ARHGEF3: variants seen among roughly 807,000 people sequenced by gnomAD.
ARHGEF3 encodes Rho guanine nucleotide exchange factor 3.
A neutral mutation model predicts 63.2 loss-of-function variants in ARHGEF3; 28 were observed. That is an observed-to-expected ratio of 0.44 (90% CI 0.33 to 0.61). The LOEUF (loss-of-function observed/expected upper bound fraction) is 0.61, where lower values mean the gene tolerates loss of function less well. Among genes scored for constraint, ARHGEF3 ranks in the 20% least tolerant of loss-of-function variants. ARHGEF3 has a pLI of 0.03. For missense variants in ARHGEF3, 533 were observed against 659.3 expected (o/e 0.81, Z 2.10); for synonymous variants, 266 against 254.2 (o/e 1.05, Z -0.44).
intron 2 of ARHGEF3, among the ~76,000 whole-genome samples, chr3:57,015,009 A>AC (rs1270712422): frequency 7.0e-6 from 1 of 142,120 alleles, no homozygotes; most frequent in Non-Finnish European, 1.6e-5. Flanking sequence ...TTTTTCATGT[A>AC]CTTTTTTTTT....
intron 1 of ARHGEF3, among the ~76,000 whole-genome samples, chr3:57,057,702 T>C (rs369031969): frequency 2.0e-5 from 3 of 152,296 alleles, no homozygotes; most frequent in African/African-American, 7.2e-5. Context: ...CCACACATCA[T>C]ACAATTTGAG....
intron 4 of ARHGEF3, among the ~76,000 whole-genome samples, chr3:56,881,436 C>G (rs182183558): frequency 1.2e-4 from 18 of 152,272 alleles, no homozygotes; most frequent in Middle Eastern, 3.4e-3. Flanking sequence ...TACTCCACCC[C>G]CAAGCCCCAG....
chr3:56,876,399 G>A (rs1023400677), intron 4 of ARHGEF3, among the ~76,000 whole-genome samples: 1 of 152,162 alleles, frequency 6.6e-6, no homozygotes, highest in Non-Finnish European at 1.5e-5. Context: ...CGGCCTCAAT[G>A]AGGGTCTTGC....
chr3:56,953,681 C>T (rs1001364955), intron 3 of ARHGEF3, among the ~76,000 whole-genome samples: 1 of 152,108 alleles, frequency 6.6e-6, no homozygotes, highest in African/African-American at 2.4e-5. Flanking sequence ...AGCTATGTGA[C>T]CCAAGCCCAG....
intron 2 of ARHGEF3, among the ~76,000 whole-genome samples, chr3:56,974,230 G>A (rs1174100377): frequency 6.6e-6 from 1 of 152,114 alleles, no homozygotes; most frequent in Non-Finnish European, 1.5e-5. Context: ...CAGCCAAATG[G>A]TACAGGCCAA....
intron 4 of ARHGEF3, among the ~76,000 whole-genome samples, chr3:56,840,756 C>G (rs1451761099): frequency 1.3e-5 from 2 of 152,086 alleles, no homozygotes; most frequent in Admixed American, 6.6e-5. Flanking sequence ...AATTCACCTG[C>G]TAACATATTA....
At chr3:56,967,311 T>A (rs1467399255) in intron 2 of ARHGEF3, among the ~76,000 whole-genome samples, 2 of 101,630 alleles carry the variant, frequency 2.0e-5, no homozygotes, top group African/African-American at 7.2e-5. Flanking sequence ...ATATATTATA[T>A]ATTATATATT....
At position 56,849,361 on chromosome 3, in the gene ARHGEF3, C is replaced by T. The variant is rs76777575; in HGVS notation, c.192+32931G>A. 5.3e-4 allele frequency among the ~76,000 whole-genome samples: 80 copies of T among 152,144 alleles called. 2 individuals carry two copies. In the East Asian group the frequency reaches 6.8e-3, roughly 13 times the overall value. On this transcript the variant is annotated intron_variant, in intron 4 of 12. Coordinates refer to the ARHGEF3 transcript ENST00000338458. ...CAGGTAAATATATATACAATCTGTACGTATATTGACACACAGCTTAGTGAT... is the reference window on the plus strand; with the variant it reads ...CAGGTAAATATATATACAATCTGTATGTATATTGACACACAGCTTAGTGAT...
intron 3 of ARHGEF3, among the ~76,000 whole-genome samples, chr3:56,944,659 C>G (rs1008218728): frequency 1.4e-5 from 2 of 142,396 alleles, no homozygotes; most frequent in Non-Finnish European, 3.0e-5. Flanking sequence ...GCACTGCAAC[C>G]TCTGCCTCCC....
At chr3:57,003,363 G>A (rs563876773) in intron 2 of ARHGEF3, among the ~76,000 whole-genome samples, 103 of 128,406 alleles carry the variant, frequency 8.0e-4, no homozygotes, top group Non-Finnish European at 1.2e-3. Flanking sequence ...AGATCGCACC[G>A]CTGCTCTCCA....
chr3:56,873,574 G>A (rs2040499058), intron 4 of ARHGEF3, among the ~76,000 whole-genome samples: 1 of 151,922 alleles, frequency 6.6e-6, no homozygotes. Context: ...TTTTTTAATG[G>A]CTACATAAAT....
chr3:56,815,049 C>A (rs2038217397), intron 4 of ARHGEF3, among the ~76,000 whole-genome samples: 1 of 151,796 alleles, frequency 6.6e-6, no homozygotes, highest in Non-Finnish European at 1.5e-5. Flanking sequence ...GAGGCTGAGG[C>A]AGGGTGATTG....
chr3:56,851,874 G>T (rs904845409), intron 4 of ARHGEF3, among the ~76,000 whole-genome samples: 1 of 152,188 alleles, frequency 6.6e-6, no homozygotes, highest in African/African-American at 2.4e-5. Context: ...CTCCCAAAGG[G>T]CTGCAATTAC....
At chr3:56,791,169 G>A (rs542069767) in intron 1 of ARHGEF3, among the ~76,000 whole-genome samples, 16 of 152,276 alleles carry the variant, frequency 1.1e-4, no homozygotes, top group South Asian at 2.1e-4. Flanking sequence ...TTGGGAGGCC[G>A]AGGTGGGAGG....
intron 4 of ARHGEF3, among the ~76,000 whole-genome samples, chr3:56,814,511 C>A (rs1022243205): frequency 6.6e-6 from 1 of 152,134 alleles, no homozygotes; most frequent in African/African-American, 2.4e-5. Flanking sequence ...TCAGTTTAAG[C>A]ATCTATAAAA....
rs562517224 is a variant in ARHGEF3, at chr3:56,967,297, A to AATTATAT, written c.63-8415_63-8409dup. Among the ~76,000 whole-genome samples the AATTATAT allele has an allele frequency of 2.1e-3, 183 of 86,684 alleles. 11 individuals are homozygous for AATTATAT. Among genetic ancestry groups the AATTATAT allele is most frequent in the South Asian group, 6.6e-3 (21 of 3,176 alleles). The allele number at this position is 86,684 out of a possible 152,430, so 56.9% of individuals were successfully genotyped here. A position where few individuals can be genotyped will look rare whatever the true frequency, so the allele number is the denominator to read the frequency against. ...ATAATATTATATTATATATTATACA[A>AATTATAT]ATTATATATTATATATTATATATTA... On this transcript the variant is annotated intron_variant, in intron 2 of 12. Coordinates refer to the ARHGEF3 transcript ENST00000338458.
intron 1 of ARHGEF3, among the ~76,000 whole-genome samples, chr3:56,800,346 C>T (rs1340966270): frequency 6.6e-6 from 1 of 152,196 alleles, no homozygotes; most frequent in East Asian, 1.9e-4. Context: ...TATATCCATT[C>T]CAGGCCTGAC....
chr3:56,870,050 T>C (rs1488898833), intron 4 of ARHGEF3, among the ~76,000 whole-genome samples: 4 of 152,166 alleles, frequency 2.6e-5, no homozygotes, highest in African/African-American at 9.7e-5. Flanking sequence ...AACACTGTTA[T>C]TTAAATGAAG....
At chr3:56,782,209 G>A (rs2036595610) in intron 1 of ARHGEF3, among the ~76,000 whole-genome samples, 1 of 152,092 alleles carries the variant, frequency 6.6e-6, no homozygotes, top group South Asian at 2.1e-4. Context: ...TAACTGACCT[G>A]GTGTCATCTG....
Sources: allele counts gnomAD v4.1 joint callset (sites outside exome capture counted in the v4.1 genomes callset), GRCh38; gene constraint gnomAD v4.1.1; transcripts MANE v1.5; gene names NCBI Gene and HGNC (gene_info 2026-07-23, HGNC 2026-07-21).